SLC35G1: variants seen among roughly 807,000 people sequenced by gnomAD.
The protein encoded by SLC35G1 is solute carrier family 35 member G1.
SLC35G1 carries 10 observed loss-of-function variants against 17.1 expected under a neutral mutation model. The ratio of observed to expected loss-of-function variants is 0.59; its 90% CI spans 0.36 to 0.99. The LOEUF (loss-of-function observed/expected upper bound fraction) is 0.99, where lower values mean the gene tolerates loss of function less well. Ranked by LOEUF, SLC35G1 falls within the 50% of genes least tolerant of loss-of-function variation. SLC35G1 has a pLI of 0.01. For missense variants in SLC35G1, 433 were observed against 468.4 expected (o/e 0.92, Z 0.70); for synonymous variants, 185 against 181.1 (o/e 1.02, Z -0.18).
rs1000801900 is a variant in SLC35G1 at position 93,903,681 on chromosome 10, A to G, written c.*2191A>G. The G allele has an allele frequency of 1.3e-5, 2 of 152,238 alleles. No individual in the cohort carries two copies. Among genetic ancestry groups the G allele is most frequent in the South Asian group, 2.1e-4 (1 of 4,834 alleles). The allele number at this position is 152,238 out of a possible 1,614,324, so 9.4% of individuals were successfully genotyped here. ...TTACAGGGTGTGATTCTTAAACACA[A>G]TGTCCAAGGTGTATACAAGGATATG... On this transcript the variant is annotated 3_prime_UTR_variant, in exon 3 of 3. Transcript: ENST00000427197.
rs2060408681 is a variant in SLC35G1 at position 93,903,448 on chromosome 10, C to T, written c.*1958C>T. On this transcript the variant is annotated 3_prime_UTR_variant, in exon 3 of 3. Coordinates refer to ENST00000427197, the MANE Select transcript of SLC35G1 (RefSeq NM_001134658.3). ...TCCATGATAAAGTATGGACAGTAAA[C>T]CACTACTTGAGCTACCTAAGGTGAA... is the stretch of plus-strand genomic sequence containing the variant. 6.6e-6 allele frequency: 1 copy of T among 152,164 alleles called. No homozygotes were observed. Among genetic ancestry groups the T allele is most frequent in the African/African-American group, 2.4e-5 (1 of 41,432 alleles). The allele number at this position is 152,164 out of a possible 1,614,324, so 9.4% of individuals were successfully genotyped here. A position where few individuals can be genotyped will look rare whatever the true frequency, so the allele number is the denominator to read the frequency against.
chr10:93,898,506 T>G, intron 1 of SLC35G1, 65 bp from the exon 2 acceptor site: 1 of 1,508,978 alleles, frequency 6.6e-7, no homozygotes, highest in Non-Finnish European at 8.9e-7. Context: ...TTTCTCAGTT[T>G]CTAAGTGAAA....
chr10:93,896,016 G>A (rs1434843489), intron 1 of SLC35G1, among the ~76,000 whole-genome samples: 3 of 151,372 alleles, frequency 2.0e-5, no homozygotes, highest in African/African-American at 7.3e-5. Flanking sequence ...TTGGAGATAG[G>A]GTCTTACTCT....
chr10:93,895,473 C>T (rs995688936), intron 1 of SLC35G1, among the ~76,000 whole-genome samples: 1 of 152,180 alleles, frequency 6.6e-6, no homozygotes, highest in Non-Finnish European at 1.5e-5. Context: ...CTTAAAGTTT[C>T]CCCTTTTTGT....
At chr10:93,904,581 G>C (rs762815186), downstream of SLC35G1, among the ~76,000 whole-genome samples, 4 of 152,164 alleles carry the variant, frequency 2.6e-5, no homozygotes, top group Non-Finnish European at 4.4e-5. Flanking sequence ...CAATGGCTCA[G>C]CTTAGGCTTT....
rs2060408965 is a variant in SLC35G1 at position 93,903,468 on chromosome 10, G to C, written c.*1978G>C. 1 of 152,118 alleles carries C rather than the reference G, an allele frequency of 6.6e-6. No homozygotes were observed. The highest frequency in any genetic ancestry group is 1.5e-5 in the Non-Finnish European group (1 of 68,032). The allele number at this position is 152,118 out of a possible 1,614,324, so 9.4% of individuals were successfully genotyped here. A position where few individuals can be genotyped will look rare whatever the true frequency, so the allele number is the denominator to read the frequency against. ...GTAAACCACTACTTGAGCTACCTAA[G>C]GTGAATTAACTCTCAGGGAACCCTC... On this transcript the variant is annotated 3_prime_UTR_variant, in exon 3 of 3. Coordinates refer to ENST00000427197, the MANE Select transcript of SLC35G1 (RefSeq NM_001134658.3).
exon 3 of SLC35G1, chr10:93,909,735 CAT>C (rs1221030267): frequency 6.6e-6 from 1 of 152,028 alleles, no homozygotes; most frequent in African/African-American, 2.4e-5. Flanking sequence ...TCTCATATAC[CAT>C]AAGTGCAGAA....
At chr10:93,909,802 T>C (rs988939716) in exon 3 of SLC35G1, 1 of 152,210 alleles carries the variant, frequency 6.6e-6, no homozygotes, top group Non-Finnish European at 1.5e-5. Flanking sequence ...TCCCGTTGTA[T>C]ATTAATAAAA....
chr10:93,894,148 G>T lies in SLC35G1; in HGVS notation c.115G>T (p.Ala39Ser). The T allele has an allele frequency of 6.7e-7, 1 of 1,482,878 alleles. No homozygotes were observed. The allele number at this position is 1,482,878 out of a possible 1,614,324, so 91.9% of individuals were successfully genotyped here. A position where few individuals can be genotyped will look rare whatever the true frequency, so the allele number is the denominator to read the frequency against. ...EEPAAAEAAG[A>S]PDRGRCWLCL... ...GCCGGCGGCCGCCGAGGCAGCTGGG[G>T]CGCCAGACCGCGGTAGGTGCTGGCT... is the stretch of plus-strand genomic sequence containing the variant. Residue 39 changes from alanine to serine, a missense_variant, in exon 1 of 3, where the codon GCG becomes TCG. Coordinates refer to ENST00000427197, the MANE Select transcript of SLC35G1 (RefSeq NM_001134658.3).
At chr10:93,906,953 C>T (rs949951032), downstream of SLC35G1, 5 of 152,036 alleles carry the variant, frequency 3.3e-5, no homozygotes, top group African/African-American at 1.2e-4. Flanking sequence ...AATGCAGAAG[C>T]AGATAGGAGA....
chr10:93,903,912 C>A (rs941332564), downstream of SLC35G1: 1 of 151,162 alleles, frequency 6.6e-6, no homozygotes, highest in African/African-American at 2.4e-5. Flanking sequence ...AGGAGATTGA[C>A]CTCTAGCCAT....
rs925793650 is a variant in SLC35G1, at chr10:93,894,079, G to A, written c.46G>A (p.Gly16Arg). 2.0e-6 allele frequency: 3 copies of A among 1,484,660 alleles called. No homozygotes were observed. Among genetic ancestry groups the A allele is most frequent in the African/African-American group, 1.5e-5 (1 of 68,280 alleles). The allele number at this position is 1,484,660 out of a possible 1,614,324, so 92.0% of individuals were successfully genotyped here. ...STGVAELQEPGLPLTDDAPPG... is the reference protein window; with the variant it reads ...STGVAELQEPRLPLTDDAPPG... ...CGGGGTCGCGGAGCTCCAGGAGCCC[G>A]GGCTGCCGCTAACGGACGATGCACC... The change falls in exon 1 of 3, where the codon GGG (glycine) becomes AGG (arginine). Residue 16 changes from glycine (G) to arginine (R), a missense_variant. Transcript: ENST00000427197.
chr10:93,901,496 CATTGCTGAA>C lies in SLC35G1; in HGVS notation c.*9_*17del. ...GGTACCAAAGTTCCAAATGAAGCAT[CATTGCTGAA>C]ATACATATTTTTTTCAAGTACACCA... On this transcript the variant is annotated 3_prime_UTR_variant, in exon 3 of 3. Transcript: ENST00000427197. The C allele has an allele frequency of 3.2e-6, 5 of 1,576,996 alleles. No individual in the cohort carries two copies. The highest frequency in any genetic ancestry group is 4.3e-6 in the Non-Finnish European group (5 of 1,163,082).
At chr10:93,894,296 C>A in intron 1 of SLC35G1, 85 bp downstream of exon 1, 1 of 1,232,678 alleles carries the variant, frequency 8.1e-7, no homozygotes, top group Non-Finnish European at 1.0e-6. Flanking sequence ...GCAACCCGGG[C>A]ACAGTGCCCG....
In SLC35G1 at chr10:93,902,750, G is replaced by A. The variant is rs2060401296; in HGVS notation, c.*1260G>A. ...ATGAATTCTAGTTTATCAGCATGATGTTAAATGTCAGTGCCATACCATGAT... is the reference window on the plus strand; with the variant it reads ...ATGAATTCTAGTTTATCAGCATGATATTAAATGTCAGTGCCATACCATGAT... On this transcript the variant is annotated 3_prime_UTR_variant, in exon 3 of 3. Coordinates refer to ENST00000427197, the MANE Select transcript of SLC35G1 (RefSeq NM_001134658.3). 1 of 152,606 alleles carries A rather than the reference G, an allele frequency of 6.6e-6. No individual in the cohort carries two copies. The highest frequency in any genetic ancestry group is 1.5e-5 in the Non-Finnish European group (1 of 68,026). The allele number at this position is 152,606 out of a possible 1,614,324, so 9.5% of individuals were successfully genotyped here.
rs763716898 is a variant in SLC35G1 at position 93,901,406 on chromosome 10, G to A, written c.1014G>A (p.Thr338=). ...TTATTTTCTTTAATAATGTGCCAAC[G>A]TGGTGGACAGTGGGTGGTGCTCTCT... ...FQIIFFNNVP[T]WWTVGGALCV... is the part of the protein sequence containing the mutation. Residue 338 remains threonine (T), a synonymous_variant, in exon 3 of 3, where the codon ACG becomes ACA. Transcript: ENST00000427197. The A allele has an allele frequency of 1.1e-5, 18 of 1,613,920 alleles. No individual in the cohort carries two copies. Among genetic ancestry groups the A allele is most frequent in the African/African-American group, 4.0e-5 (3 of 74,900 alleles).
In SLC35G1 at chr10:93,901,242, G is replaced by A; in HGVS notation, c.850G>A (p.Asp284Asn). The change falls in exon 3 of 3, where the codon GAC (aspartate) becomes AAC (asparagine). Residue 284 changes from aspartate (D) to asparagine (N), a missense_variant. Asp to Asn is a conservative substitution (Grantham distance 23). Coordinates refer to ENST00000427197, the MANE Select transcript of SLC35G1 (RefSeq NM_001134658.3). ...GTGGAGTCTGCCTTACTGTGGGTTGGACAGGCTATTTCTCATATTCATTGG... is the reference window on the plus strand; with the variant it reads ...GTGGAGTCTGCCTTACTGTGGGTTGAACAGGCTATTTCTCATATTCATTGG... Reference protein sequence around the residue: ...GEWSLPYCGLDRLFLIFIGLF... With the variant: ...GEWSLPYCGLNRLFLIFIGLF... The A allele has an allele frequency of 6.2e-7, 1 of 1,613,982 alleles. No individual in the cohort carries two copies. Among genetic ancestry groups the A allele is most frequent in the Non-Finnish European group, 8.5e-7 (1 of 1,179,904 alleles).
At chr10:93,900,625 ATAAT>A (rs955039559) in intron 2 of SLC35G1, 123 bp from the exon 3 acceptor site, 15 of 742,136 alleles carry the variant, frequency 2.0e-5, no homozygotes, top group South Asian at 7.7e-5. Context: ...TGTGGATATT[ATAAT>A]TAATTTACTA....
chr10:93,897,746 C>T (rs536135655), intron 1 of SLC35G1, among the ~76,000 whole-genome samples: 4 of 152,332 alleles, frequency 2.6e-5, no homozygotes, highest in Admixed American at 2.6e-4. Flanking sequence ...GGAGAAAGCA[C>T]TGGTTTCCTC....
Sources: allele counts gnomAD v4.1 joint callset (sites outside exome capture counted in the v4.1 genomes callset), GRCh38; gene constraint gnomAD v4.1.1; transcripts MANE v1.5; gene names NCBI Gene and HGNC (gene_info 2026-07-23, HGNC 2026-07-21).